CYP7B1: variants seen among roughly 807,000 people sequenced by gnomAD.
The protein encoded by CYP7B1 is cytochrome P450 family 7 subfamily B member 1.
Under a neutral mutation model 42.7 loss-of-function variants are expected in CYP7B1, and 29 were observed. The ratio of observed to expected loss-of-function variants is 0.68; its 90% CI spans 0.51 to 0.93. The LOEUF (loss-of-function observed/expected upper bound fraction) is 0.93. CYP7B1 is among the 40% of genes least tolerant of loss of function. The pLI is 0.00. For synonymous variants in CYP7B1, 235 were observed against 218.2 expected, an observed-to-expected ratio of 1.08 and a Z score of -0.68; for missense variants, 655 against 600.5, an observed-to-expected ratio of 1.09 and a Z score of -0.95.
rs937342074 is a variant in CYP7B1, at chr8:64,773,587, C to A, written c.122+24879G>T. Among the ~76,000 whole-genome samples the A allele has an allele frequency of 6.6e-5, 10 of 152,242 alleles. 1 individual carries two copies. Among genetic ancestry groups the A allele is most frequent in the Admixed American group, 4.6e-4 (7 of 15,292 alleles). ...TTATTCTGTTAGCCCCAAACCTCAT[C>A]TTCTTATACTGTCTCTGTCTTGTTG... is the stretch of plus-strand genomic sequence containing the variant. On this transcript the variant is annotated intron_variant, in intron 1 of 5. Transcript: ENST00000310193.
chr8:64,598,653 T>A (rs976408097), intron 5 of CYP7B1, among the ~76,000 whole-genome samples: 2 of 152,200 alleles, frequency 1.3e-5, no homozygotes, highest in African/African-American at 4.8e-5. Flanking sequence ...TGAAAATGAA[T>A]GTGCTAACCT....
chr8:64,692,695 T>G (rs1279464891), intron 1 of CYP7B1, among the ~76,000 whole-genome samples: 1 of 152,200 alleles, frequency 6.6e-6, no homozygotes, highest in Non-Finnish European at 1.5e-5. Flanking sequence ...TCCACACCTG[T>G]ATTATAATTA....
At chr8:64,759,505 G>C (rs758171891) in intron 1 of CYP7B1, among the ~76,000 whole-genome samples, 2 of 152,036 alleles carry the variant, frequency 1.3e-5, no homozygotes, top group Non-Finnish European at 2.9e-5. Flanking sequence ...TCAAAAGAAT[G>C]GTCAGCAAGA....
At chr8:64,626,990 T>G (rs1403614016) in intron 1 of CYP7B1, among the ~76,000 whole-genome samples, 5 of 152,202 alleles carry the variant, frequency 3.3e-5, no homozygotes, top group African/African-American at 1.2e-4. Context: ...GAATTTCACT[T>G]TGAAAATAAA....
chr8:64,758,339 T>C (rs965913940), intron 1 of CYP7B1, among the ~76,000 whole-genome samples: 8 of 152,150 alleles, frequency 5.3e-5, no homozygotes, highest in African/African-American at 1.7e-4. Context: ...ACAATCTCCA[T>C]CAACTGACTA....
rs552553589 is a variant in CYP7B1 at position 64,754,044 on chromosome 8, T to C, written c.122+44422A>G. Among the ~76,000 whole-genome samples the C allele has an allele frequency of 1.5e-4, 23 of 151,656 alleles. 1 individual carries two copies. In the South Asian group the frequency reaches 4.8e-3, roughly 32 times the overall value. On this transcript the variant is annotated intron_variant, in intron 1 of 5. Coordinates refer to ENST00000310193, the MANE Select transcript of CYP7B1 (RefSeq NM_004820.5). ...TGGTTGGTGCTCGTACACAACCATG[T>C]CCATGCAACAAAGATGCCAGTGTGG...
intron 1 of CYP7B1, among the ~76,000 whole-genome samples, chr8:64,792,462 G>T (rs1006738764): frequency 2.0e-5 from 3 of 152,076 alleles, no homozygotes; most frequent in Non-Finnish European, 4.4e-5. Context: ...TTTTGCTAGC[G>T]GTGGGAAGAA....
chr8:64,669,165 G>T (rs1806327251), intron 1 of CYP7B1, among the ~76,000 whole-genome samples: 3 of 152,104 alleles, frequency 2.0e-5, no homozygotes, highest in African/African-American at 7.2e-5. Context: ...CTTCTGACAG[G>T]AGACATCTGA....
chr8:64,695,104 A>G (rs1806804414), intron 1 of CYP7B1, among the ~76,000 whole-genome samples: 1 of 152,238 alleles, frequency 6.6e-6, no homozygotes, highest in Non-Finnish European at 1.5e-5. Context: ...AAAATCAGCC[A>G]TGCTGAGAAA....
intron 1 of CYP7B1, among the ~76,000 whole-genome samples, chr8:64,765,949 T>A (rs1373933081): frequency 6.6e-6 from 1 of 152,216 alleles, no homozygotes; most frequent in Non-Finnish European, 1.5e-5. Context: ...TTTATCTGAC[T>A]TGGAGCCATA....
intron 2 of CYP7B1, among the ~76,000 whole-genome samples, chr8:64,622,741 C>T (rs750934210): frequency 1.1e-4 from 17 of 152,160 alleles, no homozygotes; most frequent in Non-Finnish European, 2.4e-4. Context: ...CTAGATGTAC[C>T]AGTCCAGAGG....
At chr8:64,604,900 G>T (rs745308698) in intron 4 of CYP7B1, 43 bp from the exon 5 acceptor site, 6 of 1,596,180 alleles carry the variant, frequency 3.8e-6, no homozygotes, top group Non-Finnish European at 5.1e-6. Flanking sequence ...GATAGGGCTG[G>T]TCCTGAAAAC....
rs767850063 is a variant in CYP7B1, at chr8:64,624,520, A to G, written c.142T>C (p.Leu48=). Residue 48 remains leucine (L), a synonymous_variant, in exon 2 of 6, where the codon TTG becomes CTG. Coordinates refer to ENST00000310193, the MANE Select transcript of CYP7B1 (RefSeq NM_004820.5). ...AGATAAGGAAGCCAACCTTTTATCA[A>G]TGGAGGCTCACCGGGTCTCCTACAA... is the stretch of plus-strand genomic sequence containing the variant. The part of the protein sequence containing the change: ...RRTRRPGEPP[L]IKGWLPYLGV... 8.0e-5 allele frequency: 129 copies of G among 1,613,678 alleles called. No individual in the cohort carries two copies. Among genetic ancestry groups the G allele is most frequent in the Non-Finnish European group, 9.7e-5 (115 of 1,179,902 alleles).
chr8:64,745,504 G>A (rs570065766), intron 1 of CYP7B1, among the ~76,000 whole-genome samples: 18 of 152,210 alleles, frequency 1.2e-4, no homozygotes, highest in Non-Finnish European at 1.5e-5. Context: ...TGTGCAGAAA[G>A]CTTTAATATA....
At chr8:64,707,093 A>T (rs1236627280) in intron 1 of CYP7B1, among the ~76,000 whole-genome samples, 1 of 152,036 alleles carries the variant, frequency 6.6e-6, no homozygotes, top group Non-Finnish European at 1.5e-5. Flanking sequence ...TCAAAAATCC[A>T]TATGTTGTGC....
chr8:64,674,884 T>C (rs1044583074), intron 1 of CYP7B1, among the ~76,000 whole-genome samples: 1 of 152,136 alleles, frequency 6.6e-6, no homozygotes, highest in African/African-American at 2.4e-5. Context: ...GTAAATTTTA[T>C]CACAAATTTT....
At chr8:64,619,688 T>C (rs1297977675) in intron 2 of CYP7B1, among the ~76,000 whole-genome samples, 1 of 152,164 alleles carries the variant, frequency 6.6e-6, no homozygotes, top group Non-Finnish European at 1.5e-5. Flanking sequence ...ACCACCTCAG[T>C]AGCCTTTCCA....
At chr8:64,783,234 C>A (rs1804460282) in intron 1 of CYP7B1, among the ~76,000 whole-genome samples, 1 of 152,140 alleles carries the variant, frequency 6.6e-6, no homozygotes, top group African/African-American at 2.4e-5. Flanking sequence ...ATTCCCTGGG[C>A]AGTGGTAACA....
chr8:64,668,423 A>G (rs1806315506), intron 1 of CYP7B1, among the ~76,000 whole-genome samples: 1 of 151,440 alleles, frequency 6.6e-6, no homozygotes, highest in South Asian at 2.1e-4. Flanking sequence ...ATTTTTTTTT[A>G]GCAGGTTTAC....
Sources: allele counts gnomAD v4.1 joint callset (sites outside exome capture counted in the v4.1 genomes callset), GRCh38; gene constraint gnomAD v4.1.1; transcripts MANE v1.5; gene names NCBI Gene and HGNC (gene_info 2026-07-23, HGNC 2026-07-21).